SLC26A7: variants seen among roughly 807,000 people sequenced by gnomAD.
The protein encoded by SLC26A7 is anion exchange transporter.
A neutral mutation model predicts 82.5 loss-of-function variants in SLC26A7; 59 were observed. The ratio of observed to expected loss-of-function variants is 0.72; its 90% CI spans 0.58 to 0.89. The LOEUF (loss-of-function observed/expected upper bound fraction) is 0.89. Ranked by LOEUF, SLC26A7 falls within the 40% of genes least tolerant of loss-of-function variation. The pLI is 0.00. For missense variants in SLC26A7, 820 were observed against 793.0 expected (o/e 1.03, Z -0.41); for synonymous variants, 271 against 274.3 (o/e 0.99, Z 0.12).
intron 10 of SLC26A7, among the ~76,000 whole-genome samples, chr8:91,352,619 G>A (rs1483593170): frequency 6.6e-6 from 1 of 152,058 alleles, no homozygotes; most frequent in Admixed American, 6.6e-5. Context: ...AGGGCATTTA[G>A]CTTCATGATG....
rs141021234 is a variant in SLC26A7 at position 91,272,766 on chromosome 8, T to C, written c.194-16370T>C. The stretch of plus-strand genomic sequence containing the variant: ...AGTTTGGGTTGATTTTAGAAGGCGA[T>C]GGAGAGCCATTGGTGGATCTTAAGG... On this transcript the variant is annotated intron_variant, in intron 2 of 18. Coordinates refer to ENST00000276609, the MANE Select transcript of SLC26A7 (RefSeq NM_052832.4). Among the ~76,000 whole-genome samples the C allele has an allele frequency of 2.8e-4, 42 of 152,310 alleles. No homozygotes were observed. In the East Asian group the frequency reaches 7.9e-3, roughly 29 times the overall value.
rs1808537250 is a variant in SLC26A7 at position 91,395,265 on chromosome 8, T to C, written c.*168T>C. ...AGCAGTTGGAAAGAACTGCCAACTT[T>C]TTTTTCTCATTTTTGTTAGTAAGAA... On this transcript the variant is annotated 3_prime_UTR_variant, in exon 19 of 19. Coordinates refer to ENST00000276609, the MANE Select transcript of SLC26A7 (RefSeq NM_052832.4). The C allele has an allele frequency of 1.4e-6, 2 of 1,389,916 alleles. No homozygotes were observed. The highest frequency in any genetic ancestry group is 1.5e-5 in the African/African-American group (1 of 68,474). 86.1% of individuals were successfully genotyped at this position (1,389,916 alleles called of 1,614,324 possible).
chr8:91,279,143 A>ATATATG, intron 2 of SLC26A7, among the ~76,000 whole-genome samples: 1 of 109,548 alleles, frequency 9.1e-6, no homozygotes, highest in African/African-American at 4.0e-5. Context: ...ATATATATAT[A>ATATATG]TATATATATA....
intron 2 of SLC26A7, chr8:91,219,084 A>G (rs1021570254): frequency 3.0e-5 from 17 of 570,578 alleles, no homozygotes; most frequent in Non-Finnish European, 4.5e-5. Context: ...TTAAGATACC[A>G]TGCCTGTTCT....
intron 9 of SLC26A7, chr8:91,348,284 A>T: frequency 1.0e-6 from 1 of 978,782 alleles, no homozygotes; most frequent in Non-Finnish European, 1.2e-6. Flanking sequence ...TTGCCATTTC[A>T]CTACTTTCCA....
rs148629498 is a variant in SLC26A7, at chr8:91,390,664, A to ATACT, written c.1776+1228_1776+1229insCTTA. 4.9e-3 allele frequency among the ~76,000 whole-genome samples: 746 copies of ATACT among 152,038 alleles called. 10 individuals are homozygous for ATACT. The highest frequency in any genetic ancestry group is 0.017 in the African/African-American group (685 of 41,482). On this transcript the variant is annotated intron_variant, in intron 16 of 18. Coordinates refer to ENST00000276609, the MANE Select transcript of SLC26A7 (RefSeq NM_052832.4). ...CCTGCGTGGCTTGACATTGAGCCAA[A>ATACT]TAATTAAAACCTTATGGAAATTTCT...
intron 4 of SLC26A7, among the ~76,000 whole-genome samples, chr8:91,301,802 A>AT (rs902317567): frequency 2.6e-4 from 32 of 125,306 alleles, no homozygotes; most frequent in African/African-American, 5.1e-4. Flanking sequence ...TTTACTTGTT[A>AT]TTTTTTTTTC....
chr8:91,258,774 A>T (rs1465812009), intron 2 of SLC26A7, among the ~76,000 whole-genome samples: 1 of 151,810 alleles, frequency 6.6e-6, no homozygotes, highest in African/African-American at 2.4e-5. Context: ...GATCTTTCTG[A>T]CTCCTGAGCC....
intron 2 of SLC26A7, among the ~76,000 whole-genome samples, chr8:91,266,649 T>G (rs1298473031): frequency 1.3e-5 from 2 of 151,964 alleles, no homozygotes; most frequent in Non-Finnish European, 2.9e-5. Context: ...GGTGGAGACT[T>G]TAGGATTTTC....
At chr8:91,382,331 C>T (rs1814690502) in intron 15 of SLC26A7, among the ~76,000 whole-genome samples, 2 of 152,234 alleles carry the variant, frequency 1.3e-5, no homozygotes, top group South Asian at 4.1e-4. Context: ...TCCTTCTTAC[C>T]ACACATTATA....
intron 9 of SLC26A7, among the ~76,000 whole-genome samples, chr8:91,348,029 T>G (rs1360972815): frequency 2.6e-5 from 4 of 151,966 alleles, no homozygotes; most frequent in Non-Finnish European, 5.9e-5. Flanking sequence ...GCTCGGGAGG[T>G]ATACCCAGGA....
chr8:91,273,714 C>A (rs1165771001), intron 2 of SLC26A7, among the ~76,000 whole-genome samples: 2 of 152,148 alleles, frequency 1.3e-5, no homozygotes, highest in Non-Finnish European at 2.9e-5. Flanking sequence ...GAAAGGCCAT[C>A]ATTTGTGAAA....
chr8:91,350,556 A>G (rs1213129418), intron 9 of SLC26A7, among the ~76,000 whole-genome samples: 1 of 152,044 alleles, frequency 6.6e-6, no homozygotes, highest in Non-Finnish European at 1.5e-5. Context: ...AGCCTCTAGC[A>G]TCCTATAATT....
intron 2 of SLC26A7, among the ~76,000 whole-genome samples, chr8:91,222,192 G>C (rs1810170263): frequency 6.6e-6 from 1 of 152,038 alleles, no homozygotes. Context: ...TTGGTGTATA[G>C]GAATGCTTGT....
chr8:91,223,901 C>A (rs1482249483), intron 2 of SLC26A7, among the ~76,000 whole-genome samples: 1 of 151,670 alleles, frequency 6.6e-6, no homozygotes, highest in Non-Finnish European at 1.5e-5. Context: ...TCTGTTCTTG[C>A]CTGCATGTCT....
intron 4 of SLC26A7, among the ~76,000 whole-genome samples, chr8:91,317,072 A>T (rs1302243538): frequency 2.7e-5 from 4 of 146,314 alleles, no homozygotes; most frequent in African/African-American, 1.0e-4. Flanking sequence ...AAATGGGAGG[A>T]TCACTTGAGC....
At chr8:91,303,704 T>C (rs1287431447) in intron 4 of SLC26A7, among the ~76,000 whole-genome samples, 4 of 152,190 alleles carry the variant, frequency 2.6e-5, no homozygotes, top group Non-Finnish European at 4.4e-5. Flanking sequence ...AATAGGAGAT[T>C]CTTCAATTAC....
intron 5 of SLC26A7, among the ~76,000 whole-genome samples, chr8:91,331,945 T>C (rs896104154): frequency 6.6e-6 from 1 of 151,942 alleles, no homozygotes; most frequent in Non-Finnish European, 1.5e-5. Context: ...CCATTTGTAT[T>C]TCTTCTGTTA....
At chr8:91,259,519 C>T (rs533708240) in intron 2 of SLC26A7, among the ~76,000 whole-genome samples, 6 of 152,208 alleles carry the variant, frequency 3.9e-5, no homozygotes, top group Admixed American at 1.3e-4. Flanking sequence ...CCTCTCATTG[C>T]ACAGGATTAG....
Sources: allele counts gnomAD v4.1 joint callset (sites outside exome capture counted in the v4.1 genomes callset), GRCh38; gene constraint gnomAD v4.1.1; transcripts MANE v1.5; gene names NCBI Gene and HGNC (gene_info 2026-07-23, HGNC 2026-07-21).